The following CCDC60 variants were observed in gnomAD, a reference collection of about 807,000 sequenced individuals.
CCDC60 encodes coiled-coil domain-containing protein 60.
In CCDC60, 54 loss-of-function variants were observed where a neutral mutation model predicts 63.5. The ratio of observed to expected loss-of-function variants is 0.85; its 90% CI spans 0.68 to 1.07. The LOEUF (loss-of-function observed/expected upper bound fraction) is 1.07, where lower values mean the gene tolerates loss of function less well. CCDC60 is among the 50% of genes least tolerant of loss of function. The pLI is 0.00. For missense variants in CCDC60, 651 were observed against 684.3 expected (o/e 0.95, Z 0.54); for synonymous variants, 206 against 238.8 (o/e 0.86, Z 1.27).
intron 3 of CCDC60, among the ~76,000 whole-genome samples, chr12:119,477,298 C>A (rs763490000): frequency 6.6e-6 from 1 of 152,222 alleles, no homozygotes; most frequent in African/African-American, 2.4e-5. Flanking sequence ...GAACATAGAC[C>A]TACCTCTCGA....
rs753618585 is a variant in CCDC60 at position 119,456,001 on chromosome 12, G to GAGAAAGAAAGAA, written c.171-15942_171-15931dup. Among the ~76,000 whole-genome samples the GAGAAAGAAAGAA allele has an allele frequency of 4.9e-4, 25 of 51,098 alleles. 1 individual carries two copies. The highest frequency in any genetic ancestry group is 6.8e-4 in the Non-Finnish European group (20 of 29,366). 33.5% of individuals were successfully genotyped at this position (51,098 alleles called of 152,430 possible). On this transcript the variant is annotated intron_variant, in intron 2 of 13. Transcript: ENST00000327554. This position sits in a 1 kb window ranked among gnomAD's most constrained non-coding sequence, Gnocchi z 4.6. ...AGGGAGAGAGAAAGAGAGAGAGAAA[G>GAGAAAGAAAGAA]AGAAAGAAAGAAAGAAAGAAAGAAA...
At chr12:119,398,425 A>C (rs1004927400) in intron 1 of CCDC60, among the ~76,000 whole-genome samples, 1 of 152,048 alleles carries the variant, frequency 6.6e-6, no homozygotes, top group African/African-American at 2.4e-5. Flanking sequence ...CTCTCCCTGC[A>C]CGCCTCCCCG....
intron 3 of CCDC60, among the ~76,000 whole-genome samples, chr12:119,475,040 T>A (rs184097948): frequency 6.6e-6 from 1 of 152,260 alleles, no homozygotes; most frequent in East Asian, 1.9e-4. Flanking sequence ...ATCATGGCTG[T>A]TGGGATCCCA....
chr12:119,359,141 G>A lies in CCDC60; in HGVS notation c.90+23875G>A, dbSNP rs372319310. 4.3e-4 allele frequency among the ~76,000 whole-genome samples: 65 copies of A among 152,272 alleles called. No homozygotes were observed. In the South Asian group the frequency reaches 0.013, roughly 31 times the overall value. On this transcript the variant is annotated intron_variant, in intron 1 of 13. Coordinates refer to ENST00000327554, the MANE Select transcript of CCDC60 (RefSeq NM_178499.5). ...TTTTTAATGTCAGCTATTCTGGTGG[G>A]TGCTTAGTAGTATCATATTGTGGAA...
At chr12:119,393,343 A>G (rs1297348879) in intron 1 of CCDC60, among the ~76,000 whole-genome samples, 2 of 152,194 alleles carry the variant, frequency 1.3e-5, no homozygotes, top group African/African-American at 4.8e-5. Context: ...GAGGGGGAAA[A>G]TGCATTTCAC....
chr12:119,354,154 T>TA (rs947414724), intron 1 of CCDC60, among the ~76,000 whole-genome samples: 7 of 152,072 alleles, frequency 4.6e-5, no homozygotes, highest in African/African-American at 1.7e-4. Flanking sequence ...TCATGACACC[T>TA]AACAATATTT....
chr12:119,365,125 A>G (rs1307769095), intron 1 of CCDC60, among the ~76,000 whole-genome samples: 1 of 152,218 alleles, frequency 6.6e-6, no homozygotes, highest in Admixed American at 6.5e-5. Context: ...AATCAGATTC[A>G]AGGAAATGAG....
intron 1 of CCDC60, among the ~76,000 whole-genome samples, chr12:119,368,208 A>T (rs999855611): frequency 1.8e-5 from 2 of 112,464 alleles, no homozygotes; most frequent in African/African-American, 7.0e-5. Flanking sequence ...GGGCAGGAGG[A>T]GGAGGGGGAG....
At chr12:119,462,981 G>A (rs745636670) in intron 2 of CCDC60, among the ~76,000 whole-genome samples, 14 of 152,110 alleles carry the variant, frequency 9.2e-5, no homozygotes, top group South Asian at 4.2e-4. Flanking sequence ...TTGCCACCAC[G>A]CCCAGCTAAT....
chr12:119,460,233 G>T (rs60843298), intron 2 of CCDC60, among the ~76,000 whole-genome samples: 31,452 of 152,122 alleles, frequency 0.21, 3,390 homozygotes, highest in Admixed American at 0.27. Flanking sequence ...TATCACAATT[G>T]CTAGATACTT....
chr12:119,452,179 C>T (rs530471586), intron 2 of CCDC60, among the ~76,000 whole-genome samples: 3 of 152,300 alleles, frequency 2.0e-5, no homozygotes, highest in East Asian at 1.9e-4. Flanking sequence ...CATCTATGGG[C>T]GTATCCTACA....
intron 2 of CCDC60, among the ~76,000 whole-genome samples, chr12:119,465,484 G>A (rs570277574): frequency 2.5e-4 from 38 of 152,016 alleles, no homozygotes; most frequent in African/African-American, 8.2e-4. Flanking sequence ...CAGACCGGGC[G>A]AGGTGGTTCA....
Position 119,398,311 on chromosome 12 carries a change from G to A in CCDC60, c.91-30372G>A, listed in dbSNP as rs1039963783. Among the ~76,000 whole-genome samples the A allele has an allele frequency of 7.2e-5, 11 of 152,162 alleles. No individual in the cohort carries two copies. In the East Asian group the frequency reaches 7.8e-4, roughly 11 times the overall value. On this transcript the variant is annotated intron_variant, in intron 1 of 13. Transcript: ENST00000327554. Reference sequence around the variant, plus strand: ...GCTAAGCGCATCACTGCCAGGCACCGGCACCGGCCAGCCGCTCCTAGTGCG... The same window carrying A: ...GCTAAGCGCATCACTGCCAGGCACCAGCACCGGCCAGCCGCTCCTAGTGCG...
chr12:119,334,969 C>T lies in CCDC60; in HGVS notation c.-208C>T. The stretch of plus-strand genomic sequence containing the variant: ...AAGTCCAGGCTTGCCTGATTCTGCC[C>T]TACCCGGACTTCCTTATCCCGTCTG... On this transcript the variant is annotated 5_prime_UTR_variant, in exon 1 of 14. Transcript: ENST00000327554. 2.2e-6 allele frequency: 1 copy of T among 453,240 alleles called. No individual in the cohort carries two copies. Among genetic ancestry groups the T allele is most frequent in the Non-Finnish European group, 3.9e-6 (1 of 257,292 alleles). 28.1% of individuals were successfully genotyped at this position (453,240 alleles called of 1,614,324 possible). A position where few individuals can be genotyped will look rare whatever the true frequency, so the allele number is the denominator to read the frequency against.
intron 6 of CCDC60, among the ~76,000 whole-genome samples, 183 bp from the exon 7 acceptor site, chr12:119,504,886 G>C (rs1386227172): frequency 6.6e-6 from 1 of 152,066 alleles, no homozygotes; most frequent in African/African-American, 2.4e-5. Flanking sequence ...TGTGACAAAA[G>C]GTCACTCCAG....
chr12:119,444,160 T>G (rs1046764726), intron 2 of CCDC60, among the ~76,000 whole-genome samples: 4 of 152,240 alleles, frequency 2.6e-5, no homozygotes, highest in Non-Finnish European at 5.9e-5. Flanking sequence ...TTCTATAGTT[T>G]GTTGTTTGCC....
chr12:119,465,998 T>C (rs1363987654), intron 2 of CCDC60, among the ~76,000 whole-genome samples: 1 of 152,148 alleles, frequency 6.6e-6, no homozygotes, highest in Non-Finnish European at 1.5e-5. Flanking sequence ...TTTTATTCAA[T>C]GGAAACGAAA....
At chr12:119,436,516 C>T (rs1035421102) in intron 2 of CCDC60, among the ~76,000 whole-genome samples, 3 of 149,104 alleles carry the variant, frequency 2.0e-5, no homozygotes, top group Non-Finnish European at 4.4e-5. Context: ...GAGAAGCAAG[C>T]GAGTCCCCTT....
At chr12:119,439,223 G>A (rs1431613682) in intron 2 of CCDC60, among the ~76,000 whole-genome samples, 5 of 150,672 alleles carry the variant, frequency 3.3e-5, no homozygotes, top group African/African-American at 1.2e-4. Context: ...AGCTACATGG[G>A]TCCTTAGGTG....
Sources: gnomAD v4.1 joint callset for allele counts (sites outside exome capture counted in the v4.1 genomes callset) on GRCh38, gnomAD v4.1.1 for gene constraint, Gnocchi (gnomAD v3.1) non-coding constraint, MANE v1.5 for transcripts, NCBI Gene and HGNC (gene_info 2026-07-23, HGNC 2026-07-21) for gene names.